CNTNAP3B: variants seen among roughly 807,000 people sequenced by gnomAD.
CNTNAP3B encodes the protein contactin associated protein family member 3B.
A neutral mutation model predicts 108.9 loss-of-function variants in CNTNAP3B; 25 were observed. The ratio of observed to expected loss-of-function variants is 0.23; its 90% CI spans 0.17 to 0.32. CNTNAP3B has a LOEUF of 0.32. Among genes scored for constraint, CNTNAP3B ranks in the 10% least tolerant of loss-of-function variants. CNTNAP3B has a pLI of 1.00. For missense variants in CNTNAP3B, 252 were observed against 1,210.4 expected (o/e 0.21, Z 11.75); for synonymous variants, 103 against 473.4 (o/e 0.22, Z 10.16).
At chr9:41,928,585 G>T (rs1224426330) in intron 15 of CNTNAP3B, among the ~76,000 whole-genome samples, 5 of 152,294 alleles carry the variant, frequency 3.3e-5, no homozygotes, top group Non-Finnish European at 7.3e-5. Flanking sequence ...GTACAGAGAG[G>T]CTCAGGCTCC....
chr9:42,067,776 G>GAAT (rs1827304708), intron 3 of CNTNAP3B, among the ~76,000 whole-genome samples: 1 of 137,258 alleles, frequency 7.3e-6, no homozygotes, highest in African/African-American at 2.9e-5. Context: ...ACCTAAAATA[G>GAAT]AATAATCAGT....
At chr9:41,941,361 T>A in intron 13 of CNTNAP3B, among the ~76,000 whole-genome samples, 1 of 134,572 alleles carries the variant, frequency 7.4e-6, no homozygotes, top group African/African-American at 2.8e-5. Flanking sequence ...ATGGAAAAAA[T>A]ACACTCTGCA....
At chr9:42,020,534 T>C (rs1490216701) in intron 3 of CNTNAP3B, among the ~76,000 whole-genome samples, 1 of 144,408 alleles carries the variant, frequency 6.9e-6, no homozygotes. Flanking sequence ...ATTATGCTGG[T>C]GCCATCTCTG....
At chr9:42,116,225 A>G (rs922577665) in intron 1 of CNTNAP3B, among the ~76,000 whole-genome samples, 1 of 137,224 alleles carries the variant, frequency 7.3e-6, no homozygotes, top group African/African-American at 2.9e-5. Flanking sequence ...CTGTGAAAAG[A>G]TTCACCAAAC....
chr9:42,041,395 G>T (rs1826749418), intron 3 of CNTNAP3B, among the ~76,000 whole-genome samples: 3 of 151,566 alleles, frequency 2.0e-5, no homozygotes, highest in Admixed American at 6.6e-5. Context: ...TTACAAGAAA[G>T]AATCAAACAA....
At chr9:41,976,814 G>T (rs901508126) in intron 9 of CNTNAP3B, among the ~76,000 whole-genome samples, 5 of 116,734 alleles carry the variant, frequency 4.3e-5, no homozygotes, top group Non-Finnish European at 7.0e-5. Context: ...AGCTACTCCA[G>T]AGGCTGAGGT....
At chr9:41,962,745 G>T (rs1413634351) in intron 11 of CNTNAP3B, among the ~76,000 whole-genome samples, 45 of 151,572 alleles carry the variant, frequency 3.0e-4, no homozygotes, top group Non-Finnish European at 5.3e-4. Context: ...CACAAGGTCA[G>T]GAGATCGAGA....
rs1337104369 is a variant in CNTNAP3B at position 42,080,259 on chromosome 9, T to A, written c.197-3197A>T. Among the ~76,000 whole-genome samples the A allele has an allele frequency of 2.2e-5, 3 of 136,624 alleles. 1 individual carries two copies. In the East Asian group the frequency reaches 6.9e-4, roughly 31 times the overall value. The allele number at this position is 136,624 out of a possible 152,430, so 89.6% of individuals were successfully genotyped here. On this transcript the variant is annotated intron_variant, in intron 2 of 23. Transcript: ENST00000377561. The stretch of plus-strand genomic sequence containing the variant: ...TGCACTCCTGCTAACAGATGACACA[T>A]TTCAGTGACTTCATTTTACCTTTGA...
At chr9:41,966,321 A>C (rs1447694193) in intron 10 of CNTNAP3B, among the ~76,000 whole-genome samples, 1 of 152,308 alleles carries the variant, frequency 6.6e-6, no homozygotes, top group African/African-American at 2.4e-5. Flanking sequence ...ATTTTAGTTC[A>C]AAATATTTGG....
chr9:42,051,812 T>C (rs1469720882), intron 3 of CNTNAP3B, among the ~76,000 whole-genome samples: 10 of 152,100 alleles, frequency 6.6e-5, no homozygotes, highest in African/African-American at 2.4e-4. Context: ...CAGTAATTTT[T>C]GCAAACTTCC....
intron 4 of CNTNAP3B, among the ~76,000 whole-genome samples, chr9:42,008,148 AT>A: frequency 8.6e-5 from 1 of 11,576 alleles, no homozygotes; most frequent in Non-Finnish European, 1.9e-4. Context: ...TTCTAACTTC[AT>A]TAGAACACCA....
rs200181086 is a variant in CNTNAP3B, at chr9:42,035,791, G to A, written c.391-22266C>T. Among the ~76,000 whole-genome samples, 11 of 150,426 alleles carry A rather than the reference G, an allele frequency of 7.3e-5. No homozygotes were observed. In the East Asian group the frequency reaches 2.2e-3, roughly 29 times the overall value. Reference sequence around the variant, plus strand: ...TCCCGCATTAGCCTCCTGAGCAGCTGGGACTACAGGTGTGTGCCACTATGC... The same window carrying A: ...TCCCGCATTAGCCTCCTGAGCAGCTAGGACTACAGGTGTGTGCCACTATGC... On this transcript the variant is annotated intron_variant, in intron 3 of 23. Transcript: ENST00000377561.
intron 14 of CNTNAP3B, among the ~76,000 whole-genome samples, chr9:41,933,515 T>A (rs1824044563): frequency 6.6e-6 from 1 of 152,286 alleles, no homozygotes; most frequent in African/African-American, 2.4e-5. Context: ...TCCACAGAAC[T>A]TTACATTTTT....
At chr9:42,073,017 G>T (rs1356274872) in intron 3 of CNTNAP3B, among the ~76,000 whole-genome samples, 4 of 139,938 alleles carry the variant, frequency 2.9e-5, no homozygotes, top group Non-Finnish European at 6.1e-5. Context: ...TTCAGATTTT[G>T]CTGCTAAATA....
At chr9:42,046,478 C>A (rs1826878220) in intron 3 of CNTNAP3B, among the ~76,000 whole-genome samples, 1 of 123,848 alleles carries the variant, frequency 8.1e-6, no homozygotes, top group African/African-American at 3.3e-5. Flanking sequence ...TTCAAGTACA[C>A]TTTGGGATGA....
intron 3 of CNTNAP3B, among the ~76,000 whole-genome samples, chr9:42,035,870 G>A (rs1029084516): frequency 2.8e-5 from 4 of 143,612 alleles, no homozygotes; most frequent in African/African-American, 1.1e-4. Context: ...TTGCTATGTT[G>A]CCCTGGTTGG....
At chr9:42,098,009 C>A (rs1427407652) in intron 2 of CNTNAP3B, among the ~76,000 whole-genome samples, 2 of 137,430 alleles carry the variant, frequency 1.5e-5, no homozygotes, top group Non-Finnish European at 3.1e-5. Context: ...TTTCAACAGA[C>A]AATACACAGA....
chr9:42,075,166 C>T (rs530260052), intron 3 of CNTNAP3B, among the ~76,000 whole-genome samples: 2 of 144,848 alleles, frequency 1.4e-5, no homozygotes, highest in Admixed American at 1.4e-4. Flanking sequence ...GTCTCTGGGT[C>T]CAAAGGTCCT....
rs1692977 is a variant in CNTNAP3B, at chr9:41,964,884, T to C, written c.1650-240A>G. ...GCTGAATTTTCAACACATTTCTTTT[T>C]TTCTTTGTCCCAAGTGACACAATAA... is the stretch of plus-strand genomic sequence containing the variant. On this transcript the variant is annotated intron_variant, in intron 10 of 23. Transcript: ENST00000377561. 5.2e-3 allele frequency among the ~76,000 whole-genome samples: 792 copies of C among 152,172 alleles called. 2 individuals carry two copies. The highest frequency in any genetic ancestry group is 0.018 in the African/African-American group (757 of 41,386).
Sources: allele counts gnomAD v4.1 joint callset (sites outside exome capture counted in the v4.1 genomes callset), GRCh38; gene constraint gnomAD v4.1.1; transcripts MANE v1.5; gene names NCBI Gene and HGNC (gene_info 2026-07-23, HGNC 2026-07-21).